The following PDK1 variants were observed in gnomAD, a reference collection of about 807,000 sequenced individuals.
PDK1 encodes the protein [Pyruvate dehydrogenase (acetyl-transferring)] kinase isozyme 1, mitochondrial.
A neutral mutation model predicts 54.2 loss-of-function variants in PDK1; 39 were observed. That is an observed-to-expected ratio of 0.72 (90% CI 0.56 to 0.94). The LOEUF is 0.94. PDK1 is among the 40% of genes least tolerant of loss of function. The pLI, the probability that PDK1 is intolerant of heterozygous loss-of-function variation, is 0.00. For synonymous variants in PDK1, 221 were observed against 207.1 expected, an observed-to-expected ratio of 1.07 and a Z score of -0.58; for missense variants, 552 against 566.0, an observed-to-expected ratio of 0.98 and a Z score of 0.25.
rs1410630043 is a variant in PDK1, at chr2:172,604,428, C to A, written c.*8459C>A. The A allele has an allele frequency of 6.6e-6, 1 of 152,194 alleles. No homozygotes were observed. Among genetic ancestry groups the A allele is most frequent in the African/African-American group, 2.4e-5 (1 of 41,444 alleles). The allele number at this position is 152,194 out of a possible 1,614,324, so 9.4% of individuals were successfully genotyped here. ...TTGTTACTTTGTAGTTTTCAGCTTA[C>A]AGATTCCGCGCATATTTTGTTAGAC... On this transcript the variant is annotated 3_prime_UTR_variant, in exon 11 of 11. Coordinates refer to ENST00000282077, the MANE Select transcript of PDK1 (RefSeq NM_002610.5).
At chr2:172,693,889 C>T in the PDK1 span, among the ~76,000 whole-genome samples, 1 of 152,194 alleles carries the variant, frequency 6.6e-6, no homozygotes, top group African/African-American at 2.4e-5. Context: ...CAAGGCTGCT[C>T]TCCCCTCCTG....
the PDK1 span, among the ~76,000 whole-genome samples, chr2:172,678,566 T>A: frequency 6.6e-6 from 1 of 152,214 alleles, no homozygotes; most frequent in African/African-American, 2.4e-5. Context: ...TAGATTAACA[T>A]TGCCTAATGC....
At chr2:172,697,836 A>T in the PDK1 span, among the ~76,000 whole-genome samples, 1 of 152,212 alleles carries the variant, frequency 6.6e-6, no homozygotes, top group South Asian at 2.1e-4. Flanking sequence ...TATATTATAC[A>T]TTACCACAGC....
At chr2:172,665,691 G>T in the PDK1 span, among the ~76,000 whole-genome samples, 41 of 152,154 alleles carry the variant, frequency 2.7e-4, no homozygotes, top group South Asian at 8.3e-4. Flanking sequence ...CAAAACCCCA[G>T]TTTGCACAGG....
the PDK1 span, among the ~76,000 whole-genome samples, chr2:172,710,075 G>T: frequency 3.3e-5 from 5 of 152,326 alleles, no homozygotes; most frequent in African/African-American, 1.2e-4. Context: ...TTCTGGGTAT[G>T]CAGCCAGGGG....
chr2:172,572,522 T>G (rs1689338679), intron 8 of PDK1, among the ~76,000 whole-genome samples: 1 of 152,026 alleles, frequency 6.6e-6, no homozygotes, highest in Non-Finnish European at 1.5e-5. Context: ...GTAAGGCGTT[T>G]AAGACCAGCC....
chr2:172,596,833 A>G lies in PDK1; in HGVS notation c.*864A>G, dbSNP rs1298420818. ...ATCGGAATCCCTAGGGCTAGAGCCT[A>G]GAAATCTCACTTTTTAAAATGCTTC... On this transcript the variant is annotated 3_prime_UTR_variant, in exon 11 of 11. Coordinates refer to ENST00000282077, the MANE Select transcript of PDK1 (RefSeq NM_002610.5). The G allele has an allele frequency of 6.6e-6, 1 of 152,244 alleles. No individual in the cohort carries two copies. Among genetic ancestry groups the G allele is most frequent in the Non-Finnish European group, 1.5e-5 (1 of 68,038 alleles). 9.4% of individuals were successfully genotyped at this position (152,244 alleles called of 1,614,324 possible).
the PDK1 span, among the ~76,000 whole-genome samples, chr2:172,648,095 GAAATGA>G: frequency 6.6e-6 from 1 of 152,196 alleles, no homozygotes; most frequent in African/African-American, 2.4e-5. Flanking sequence ...AGACTAAGAA[GAAATGA>G]AAACTGCATG....
chr2:172,645,235 A>G, the PDK1 span, among the ~76,000 whole-genome samples: 1 of 144,742 alleles, frequency 6.9e-6, no homozygotes, highest in African/African-American at 2.6e-5. Flanking sequence ...TAAAAGGCTT[A>G]GCAATGTACA....
chr2:172,595,309 A>G (rs1459875382), intron 10 of PDK1, among the ~76,000 whole-genome samples: 2 of 152,118 alleles, frequency 1.3e-5, no homozygotes, highest in African/African-American at 2.4e-5. Flanking sequence ...AGCTCAAGCA[A>G]TCTTCCTGTG....
rs1219316528 is a variant in PDK1, at chr2:172,602,739, A to T, written c.*6770A>T. On this transcript the variant is annotated 3_prime_UTR_variant, in exon 11 of 11. Coordinates refer to ENST00000282077, the MANE Select transcript of PDK1 (RefSeq NM_002610.5). ...CTGTGTTTGGGTAAACATTAGACTT[A>T]TAAAAGGGCCTAGGGTTTTTTTGTT... 1 of 152,214 alleles carries T rather than the reference A, an allele frequency of 6.6e-6. No individual in the cohort carries two copies. Among genetic ancestry groups the T allele is most frequent in the East Asian group, 1.9e-4 (1 of 5,198 alleles). 9.4% of individuals were successfully genotyped at this position (152,214 alleles called of 1,614,324 possible). A position where few individuals can be genotyped will look rare whatever the true frequency, so the allele number is the denominator to read the frequency against.
At chr2:172,565,153 T>G in intron 5 of PDK1, 80 bp downstream of exon 5, 1 of 835,910 alleles carries the variant, frequency 1.2e-6, no homozygotes. Context: ...AAACATCTAT[T>G]TGTATCATGA....
rs1406060078 is a variant in PDK1, at chr2:172,603,069, A to C, written c.*7100A>C. 6.6e-6 allele frequency: 1 copy of C among 152,252 alleles called. No homozygotes were observed. Among genetic ancestry groups the C allele is most frequent in the Non-Finnish European group, 1.5e-5 (1 of 68,050 alleles). 9.4% of individuals were successfully genotyped at this position (152,252 alleles called of 1,614,324 possible). On this transcript the variant is annotated 3_prime_UTR_variant, in exon 11 of 11. Transcript: ENST00000282077. Reference sequence around the variant, plus strand: ...TTGAGCAAATGCAGACTGGTTCAGCAGATCTGGAGTGGGGCCTGAGATTCT... The same window carrying C: ...TTGAGCAAATGCAGACTGGTTCAGCCGATCTGGAGTGGGGCCTGAGATTCT...
the PDK1 span, among the ~76,000 whole-genome samples, chr2:172,673,628 A>G: frequency 6.6e-6 from 1 of 152,210 alleles, no homozygotes; most frequent in Non-Finnish European, 1.5e-5. Context: ...ACCTACTGTA[A>G]CACAGGTACC....
intron 6 of PDK1, 38 bp downstream of exon 6, chr2:172,566,971 T>G: frequency 1.5e-6 from 2 of 1,302,556 alleles, no homozygotes; most frequent in African/African-American, 1.5e-5. Flanking sequence ...TAATTAGTGC[T>G]TTGATTACTT....
At chr2:172,699,761 T>TTA in the PDK1 span, among the ~76,000 whole-genome samples, 14 of 122,832 alleles carry the variant, frequency 1.1e-4, no homozygotes, top group African/African-American at 3.7e-4. Context: ...TTTATTATTA[T>TTA]TTTTTTTTTA....
At chr2:172,687,493 A>G in the PDK1 span, among the ~76,000 whole-genome samples, 1 of 152,182 alleles carries the variant, frequency 6.6e-6, no homozygotes, top group African/African-American at 2.4e-5. Context: ...AGGATGAACT[A>G]TAGCTCCTGT....
chr2:172,565,227 T>C (rs556839669), intron 5 of PDK1, among the ~76,000 whole-genome samples, 154 bp downstream of exon 5: 2 of 152,382 alleles, frequency 1.3e-5, no homozygotes, highest in East Asian at 3.9e-4. Context: ...TTGTGCATTA[T>C]GTATAGGATG....
the PDK1 span, among the ~76,000 whole-genome samples, chr2:172,663,151 T>G: frequency 2.0e-5 from 3 of 152,332 alleles, no homozygotes; most frequent in Admixed American, 1.3e-4. Flanking sequence ...GGCTGGTTTC[T>G]TCCAGGTTTC....
Sources: gnomAD v4.1 joint callset for allele counts (sites outside exome capture counted in the v4.1 genomes callset) on GRCh38, gnomAD v4.1.1 for gene constraint, MANE v1.5 for transcripts, NCBI Gene and HGNC (gene_info 2026-07-23, HGNC 2026-07-21) for gene names.